NKTR: variants seen among roughly 807,000 people sequenced by gnomAD.
NKTR encodes NK-tumor recognition protein.
Under a neutral mutation model 156.3 loss-of-function variants are expected in NKTR, and 67 were observed. The observed-to-expected ratio is 0.43, with a 90% CI of 0.35 to 0.53. The LOEUF is 0.53. NKTR is among the 20% of genes least tolerant of loss of function. NKTR has a pLI of 0.01. For missense variants in NKTR, 1,604 were observed against 1,730.9 expected (o/e 0.93, Z 1.30); for synonymous variants, 640 against 596.6 (o/e 1.07, Z -1.06).
chr3:42,633,952 C>G (rs1034530950), intron 10 of NKTR, among the ~76,000 whole-genome samples: 2 of 152,090 alleles, frequency 1.3e-5, no homozygotes, highest in African/African-American at 4.8e-5. Context: ...CACATTCTAG[C>G]AGGGAGAGGA....
chr3:42,600,739 T>G lies in NKTR; in HGVS notation c.-63T>G, dbSNP rs1319170493. 3 of 326,608 alleles carry G rather than the reference T, an allele frequency of 9.2e-6. No individual in the cohort carries two copies. Among genetic ancestry groups the G allele is most frequent in the African/African-American group, 6.5e-5 (3 of 46,130 alleles). 20.2% of individuals were successfully genotyped at this position (326,608 alleles called of 1,614,324 possible). On this transcript the variant is annotated 5_prime_UTR_variant, in exon 1 of 17. Coordinates refer to ENST00000232978, the MANE Select transcript of NKTR (RefSeq NM_005385.4). The stretch of plus-strand genomic sequence containing the variant: ...TTGGCTGCAGTGGCAGTGCTTTCTC[T>G]TCTGCTCACGGGGACCCGCTCAGGC...
At chr3:42,627,991 C>T (rs766786315) in intron 6 of NKTR, 17 of 985,298 alleles carry the variant, frequency 1.7e-5, no homozygotes, top group Non-Finnish European at 2.0e-5. Context: ...TTCTCTCCGC[C>T]CTTTTGTAAC....
rs1708777682 is a variant in NKTR, at chr3:42,630,363, G to A, written c.375-183G>A. Reference sequence around the variant, plus strand: ...TTATAATCTTGAGTTTTTTAAATTAGTAAGATGGCTACTATTGCTGTTTTG... The same window carrying A: ...TTATAATCTTGAGTTTTTTAAATTAATAAGATGGCTACTATTGCTGTTTTG... On this transcript the variant is annotated intron_variant, in intron 6 of 16. Coordinates refer to ENST00000232978, the MANE Select transcript of NKTR (RefSeq NM_005385.4). 8.6e-6 allele frequency: 12 copies of A among 1,400,574 alleles called. No homozygotes were observed. The East Asian group carries it at 2.6e-4, about 31-fold the overall frequency. 86.8% of individuals were successfully genotyped at this position (1,400,574 alleles called of 1,614,324 possible).
intron 15 of NKTR, chr3:42,643,689 A>G: frequency 1.5e-6 from 1 of 683,006 alleles, no homozygotes; most frequent in African/African-American, 1.8e-5. Context: ...TTTTCAATGC[A>G]GAAAAGAAAT....
chr3:42,612,916 C>T (rs1221046689), intron 2 of NKTR, among the ~76,000 whole-genome samples: 1 of 151,940 alleles, frequency 6.6e-6, no homozygotes, highest in East Asian at 1.9e-4. Context: ...CATATTTTTT[C>T]CTGGTATGTA....
chr3:42,645,520 A>G (rs1710281817), intron 16 of NKTR, among the ~76,000 whole-genome samples: 1 of 152,118 alleles, frequency 6.6e-6, no homozygotes, highest in African/African-American at 2.4e-5. Flanking sequence ...CCCCGTCTCT[A>G]CTAAATAAAA....
At chr3:42,606,170 C>A (rs943329951) in intron 2 of NKTR, among the ~76,000 whole-genome samples, 3 of 152,020 alleles carry the variant, frequency 2.0e-5, no homozygotes, top group African/African-American at 7.2e-5. Context: ...GATTTTATAA[C>A]GTCCTCTTAT....
intron 5 of NKTR, chr3:42,620,601 T>G (rs1577480969): frequency 2.0e-6 from 2 of 984,452 alleles, no homozygotes; most frequent in East Asian, 2.3e-4. Context: ...TGTTTCTGTT[T>G]GTTCTGAAGA....
chr3:42,638,084 T>C lies in NKTR; in HGVS notation c.2380T>C (p.Cys794Arg), dbSNP rs181121772. The change falls in exon 13 of 17, where the codon TGT becomes CGT. Residue 794 changes from cysteine to arginine, a missense_variant. Transcript: ENST00000232978. ...TGTCAAAGGTAGAGACAGGTCTTCA[T>C]GTGTGAGAAAGTATAGCGAGAGCAG... ...KYVKGRDRSS[C>R]VRKYSESRSS... is the part of the protein sequence containing the mutation. 1.2e-6 allele frequency: 2 copies of C among 1,614,114 alleles called. No homozygotes were observed. Among genetic ancestry groups the C allele is most frequent in the Admixed American group, 1.7e-5 (1 of 60,030 alleles).
At chr3:42,620,148 T>C (rs1707776478) in intron 5 of NKTR, 2 of 1,420,598 alleles carry the variant, frequency 1.4e-6, no homozygotes, top group African/African-American at 1.5e-5. Flanking sequence ...GATTTCTATA[T>C]TGCTTGAAGA....
In NKTR at chr3:42,634,835, G is replaced by A. The variant is rs569396192; in HGVS notation, c.1017+135G>A. On this transcript the variant is annotated intron_variant, in intron 11 of 16. Coordinates refer to ENST00000232978, the MANE Select transcript of NKTR (RefSeq NM_005385.4). ...CTAATTGTATTTTCCATGGTTATGG[G>A]AAGGTATTGCTGTTAGATCAAAGTA... The A allele has an allele frequency of 2.4e-5, 14 of 580,074 alleles. No homozygotes were observed. The East Asian group carries it at 3.2e-4, about 13-fold the overall frequency. 35.9% of individuals were successfully genotyped at this position (580,074 alleles called of 1,614,324 possible).
chr3:42,639,862 TAAG>T (rs1206308742), intron 13 of NKTR, 112 bp downstream of exon 13: 8 of 826,360 alleles, frequency 9.7e-6, no homozygotes, highest in Non-Finnish European at 1.5e-5. Flanking sequence ...CTGAAAGGAA[TAAG>T]AAGTCTTGTT....
At chr3:42,617,098 G>T (rs1163455473) in intron 2 of NKTR, among the ~76,000 whole-genome samples, 5 of 152,122 alleles carry the variant, frequency 3.3e-5, no homozygotes, top group Non-Finnish European at 7.3e-5. Flanking sequence ...ATTCAGGAAG[G>T]TGGCTCTTAA....
intron 2 of NKTR, among the ~76,000 whole-genome samples, chr3:42,603,850 C>G (rs960679428): frequency 3.3e-5 from 5 of 151,754 alleles, no homozygotes; most frequent in African/African-American, 9.7e-5. Flanking sequence ...ATTCTCCTGC[C>G]TCAGCCTCCC....
chr3:42,637,508 G>A lies in NKTR; in HGVS notation c.1804G>A (p.Ala602Thr), dbSNP rs1332005356. ...AAATGTAGTAGTACAACCAGTTGTA[G>A]CAGAAAATATTCCTGTAATACCACT... Reference protein sequence around the residue: ...NENVVVQPVVAENIPVIPLSD... With the variant: ...NENVVVQPVVTENIPVIPLSD... Residue 602 changes from alanine to threonine, a missense_variant, in exon 13 of 17, where the codon GCA becomes ACA. Ala to Thr is a moderately conservative substitution (Grantham distance 58). Transcript: ENST00000232978. The A allele has an allele frequency of 1.2e-6, 2 of 1,613,894 alleles. No individual in the cohort carries two copies. The highest frequency in any genetic ancestry group is 2.7e-5 in the African/African-American group (2 of 74,906).
chr3:42,637,663 A>G lies in NKTR; in HGVS notation c.1959A>G (p.Ala653=). Residue 653 remains alanine (A), a synonymous_variant, in exon 13 of 17, where the codon GCA becomes GCG. Coordinates refer to ENST00000232978, the MANE Select transcript of NKTR (RefSeq NM_005385.4). ...CCATCCAAAGCACTTACAGTTTAGC[A>G]AATATTAAAGAGACTGGTAGCTCAT... The part of the protein sequence containing the change: ...LLPIQSTYSL[A]NIKETGSSSS... 1 of 1,613,188 alleles carries G rather than the reference A, an allele frequency of 6.2e-7. No homozygotes were observed. The highest frequency in any genetic ancestry group is 8.5e-7 in the Non-Finnish European group (1 of 1,179,810).
chr3:42,608,576 A>G (rs1015195960), intron 2 of NKTR, among the ~76,000 whole-genome samples: 2 of 152,152 alleles, frequency 1.3e-5, no homozygotes, highest in African/African-American at 4.8e-5. Flanking sequence ...TTGTGGCTAA[A>G]AATATATGTA....
rs1482038778 is a variant in NKTR at position 42,647,468 on chromosome 3, G to C, written c.*1493G>C. On this transcript the variant is annotated 3_prime_UTR_variant, in exon 17 of 17. Transcript: ENST00000232978. ...TCTGGTGTATTTGGGAAGTGGAAAA[G>C]AGCCCTCAGTTGGAGGGAGCTGACA... 2 of 152,112 alleles carry C rather than the reference G, an allele frequency of 1.3e-5. No homozygotes were observed. The highest frequency in any genetic ancestry group is 2.9e-5 in the Non-Finnish European group (2 of 68,034). 9.4% of individuals were successfully genotyped at this position (152,112 alleles called of 1,614,324 possible).
At chr3:42,606,205 C>T (rs928991359) in intron 2 of NKTR, among the ~76,000 whole-genome samples, 1 of 152,052 alleles carries the variant, frequency 6.6e-6, no homozygotes, top group Non-Finnish European at 1.5e-5. Context: ...ATTGATACTC[C>T]TAAAGAAAAA....
Sources: gnomAD v4.1 joint callset for allele counts (sites outside exome capture counted in the v4.1 genomes callset) on GRCh38, gnomAD v4.1.1 for gene constraint, MANE v1.5 for transcripts, NCBI Gene and HGNC (gene_info 2026-07-23, HGNC 2026-07-21) for gene names.